Variants in MORC1 observed in about 807,000 individuals in gnomAD.
MORC1 encodes MORC family CW-type zinc finger 1.
Under a neutral mutation model 134.9 loss-of-function variants are expected in MORC1, and 59 were observed. The observed-to-expected ratio is 0.44, with a 90% CI of 0.35 to 0.54. MORC1 has a LOEUF of 0.54. Among genes scored for constraint, MORC1 ranks in the 20% least tolerant of loss-of-function variants. The probability of loss-of-function intolerance (pLI) is 0.00; values close to 1 mark genes in which losing one functional copy is unlikely to be tolerated. For synonymous variants in MORC1, 395 were observed against 391.7 expected (o/e 1.01, Z -0.10); for missense variants, 947 against 1,134.5 (o/e 0.83, Z 2.37).
At chr3:109,082,247 AT>A (rs1333949308) in intron 8 of MORC1, among the ~76,000 whole-genome samples, 2 of 151,302 alleles carry the variant, frequency 1.3e-5, no homozygotes, top group South Asian at 2.1e-4. Flanking sequence ...TAGGAGAAAA[AT>A]TTAAAAAAAA....
At chr3:109,076,828 G>T (rs796619013) in intron 8 of MORC1, among the ~76,000 whole-genome samples, 5 of 152,222 alleles carry the variant, frequency 3.3e-5, no homozygotes, top group African/African-American at 1.2e-4. Flanking sequence ...GGCCTGGCGG[G>T]GGATCGGGGA....
chr3:109,088,329 G>C (rs1216937524), intron 8 of MORC1, among the ~76,000 whole-genome samples: 1 of 152,034 alleles, frequency 6.6e-6, no homozygotes, highest in Admixed American at 6.6e-5. Context: ...CTATGCATCT[G>C]ACAAAGGTCT....
intron 24 of MORC1, among the ~76,000 whole-genome samples, chr3:108,973,573 G>T (rs922113783): frequency 2.1e-5 from 3 of 140,008 alleles, no homozygotes; most frequent in East Asian, 4.1e-4. Flanking sequence ...TTTTTTGTTC[G>T]TTTTTTGTTT....
At chr3:109,105,562 T>C (rs1276845038) in intron 3 of MORC1, among the ~76,000 whole-genome samples, 1 of 151,128 alleles carries the variant, frequency 6.6e-6, no homozygotes, top group South Asian at 2.1e-4. Flanking sequence ...GCCTCTAGAC[T>C]TGGCCACTTG....
intron 21 of MORC1, among the ~76,000 whole-genome samples, chr3:108,990,007 G>A (rs1948002507): frequency 6.6e-6 from 1 of 152,052 alleles, no homozygotes; most frequent in African/African-American, 2.4e-5. Flanking sequence ...GTGACAGTAA[G>A]TCTCATGAGA....
rs1464406792 is a variant in MORC1, at chr3:108,959,554, T to C, written c.2800-434A>G. ...ATTGCAGCGTCTTTTCCCTCAGCTC[T>C]TGGCTTACTACCCTGGTCTGTCTCC... On this transcript the variant is annotated intron_variant, in intron 27 of 27. Transcript: ENST00000232603. Among the ~76,000 whole-genome samples the C allele has an allele frequency of 2.0e-5, 3 of 152,172 alleles. No individual in the cohort carries two copies. The South Asian group carries it at 6.2e-4, about 31-fold the overall frequency.
chr3:108,969,556 G>A, intron 26 of MORC1, 113 bp downstream of exon 26: 1 of 1,063,484 alleles, frequency 9.4e-7, no homozygotes, highest in South Asian at 1.3e-5. Flanking sequence ...GTCTCGATAA[G>A]TGAATGCAAA....
chr3:109,004,782 C>T, intron 20 of MORC1, 35 bp downstream of exon 20: 1 of 1,574,846 alleles, frequency 6.3e-7, no homozygotes, highest in South Asian at 1.1e-5. Flanking sequence ...ATGAATATTT[C>T]TCCCTTAAAT....
chr3:108,961,254 C>T (rs1947073089), intron 27 of MORC1, among the ~76,000 whole-genome samples: 1 of 152,170 alleles, frequency 6.6e-6, no homozygotes, highest in African/African-American at 2.4e-5. Flanking sequence ...CCCTCTACCA[C>T]AGATTTGCTC....
chr3:109,074,539 T>G (rs1030420940), intron 8 of MORC1, among the ~76,000 whole-genome samples: 1 of 152,166 alleles, frequency 6.6e-6, no homozygotes, highest in Non-Finnish European at 1.5e-5. Flanking sequence ...CAGAAGTACT[T>G]TACAAAATCT....
chr3:108,999,960 G>C (rs1291046551), intron 21 of MORC1, among the ~76,000 whole-genome samples: 1 of 152,062 alleles, frequency 6.6e-6, no homozygotes, highest in East Asian at 1.9e-4. Flanking sequence ...GTCAGTCCTT[G>C]AATCATTTCC....
rs181799147 is a variant in MORC1 at position 109,090,314 on chromosome 3, C to T, written c.689+3122G>A. On this transcript the variant is annotated intron_variant, in intron 8 of 27. Coordinates refer to ENST00000232603, the MANE Select transcript of MORC1 (RefSeq NM_014429.4). ...GCAGAATGATAAAAGGTTTTGAATCCTATGTTTAAAACTGTTGTCAAAGCC... is the reference window on the plus strand; with the variant it reads ...GCAGAATGATAAAAGGTTTTGAATCTTATGTTTAAAACTGTTGTCAAAGCC... Among the ~76,000 whole-genome samples the T allele has an allele frequency of 5.9e-5, 9 of 152,016 alleles. No individual in the cohort carries two copies. The East Asian group carries it at 1.7e-3, about 29-fold the overall frequency.
intron 4 of MORC1, among the ~76,000 whole-genome samples, chr3:109,102,222 G>A (rs184478720): frequency 6.6e-6 from 1 of 152,260 alleles, no homozygotes; most frequent in Admixed American, 6.5e-5. Context: ...TGAGGGGTCA[G>A]CCATGTGTGG....
intron 23 of MORC1, among the ~76,000 whole-genome samples, chr3:108,983,921 A>C (rs1332343307): frequency 6.6e-6 from 1 of 152,174 alleles, no homozygotes; most frequent in Non-Finnish European, 1.5e-5. Context: ...TGGGAAGCAA[A>C]GTGGGGGCTA....
intron 8 of MORC1, among the ~76,000 whole-genome samples, chr3:109,070,441 G>C (rs1950293519): frequency 6.6e-6 from 1 of 152,152 alleles, no homozygotes; most frequent in African/African-American, 2.4e-5. Context: ...CCATGTCATT[G>C]TATACTTATA....
intron 23 of MORC1, among the ~76,000 whole-genome samples, chr3:108,980,340 C>T (rs192707027): frequency 5.9e-5 from 9 of 152,226 alleles, no homozygotes; most frequent in Admixed American, 3.9e-4. Context: ...AGTCCCACTA[C>T]GAAACTCTCT....
intron 25 of MORC1, among the ~76,000 whole-genome samples, 190 bp downstream of exon 25, chr3:108,971,140 C>T (rs375261086): frequency 6.6e-6 from 1 of 152,120 alleles, no homozygotes; most frequent in Non-Finnish European, 1.5e-5. Flanking sequence ...TATTTTCCAC[C>T]TTGTTTAACT....
At chr3:109,023,862 C>T (rs1368424562) in intron 17 of MORC1, among the ~76,000 whole-genome samples, 1 of 152,174 alleles carries the variant, frequency 6.6e-6, no homozygotes, top group Non-Finnish European at 1.5e-5. Flanking sequence ...ACTTGGCCAG[C>T]AGGTGGCACT....
chr3:108,996,008 G>C (rs1054716810), intron 21 of MORC1, among the ~76,000 whole-genome samples: 6 of 152,176 alleles, frequency 3.9e-5, no homozygotes, highest in African/African-American at 1.4e-4. Flanking sequence ...GAGGTAAAGG[G>C]AGATGTCATA....
Sources: gnomAD v4.1 joint callset for allele counts (sites outside exome capture counted in the v4.1 genomes callset) on GRCh38, gnomAD v4.1.1 for gene constraint, MANE v1.5 for transcripts, NCBI Gene and HGNC (gene_info 2026-07-23, HGNC 2026-07-21) for gene names.